SUPT3H: variants seen among roughly 807,000 people sequenced by gnomAD.
The protein encoded by SUPT3H is SPT3 homolog, SAGA and STAGA complex component.
A neutral mutation model predicts 44.3 loss-of-function variants in SUPT3H; 44 were observed. The observed-to-expected ratio is 0.99, with a 90% confidence interval of 0.78 to 1.28. The LOEUF (loss-of-function observed/expected upper bound fraction) is 1.28, where lower values mean the gene tolerates loss of function less well. Among genes scored for constraint, SUPT3H ranks in the 50% most tolerant of loss-of-function variants. SUPT3H has a pLI of 0.00. For missense variants in SUPT3H, 380 were observed against 387.1 expected, an observed-to-expected ratio of 0.98 and a Z score of 0.15; for synonymous variants, 124 against 125.6, an observed-to-expected ratio of 0.99 and a Z score of 0.09.
intron 2 of SUPT3H, among the ~76,000 whole-genome samples, chr6:45,177,877 T>A (rs976875388): frequency 3.3e-5 from 5 of 151,764 alleles, no homozygotes; most frequent in African/African-American, 1.2e-4. Flanking sequence ...GCTGAGAGAT[T>A]TTGTCACCAC....
chr6:44,852,083 T>C (rs1431395592), intron 10 of SUPT3H, among the ~76,000 whole-genome samples: 1 of 152,154 alleles, frequency 6.6e-6, no homozygotes, highest in Middle Eastern at 3.2e-3. Flanking sequence ...ATATCTTCTA[T>C]TTTCCAGCCT....
At position 45,279,209 on chromosome 6, in the gene SUPT3H, C is replaced by T. The variant is rs546952750; in HGVS notation, c.101+85992G>A. Among the ~76,000 whole-genome samples the T allele has an allele frequency of 3.3e-5, 5 of 152,228 alleles. No homozygotes were observed. The South Asian group carries it at 8.3e-4, about 25-fold the overall frequency. ...TGGGATTAATGAAACCAAATTATGA[C>T]ATCTGCAAAATAAAATACCATGTGA... On this transcript the variant is annotated intron_variant, in intron 2 of 10. Coordinates refer to ENST00000371459, the MANE Select transcript of SUPT3H (RefSeq NM_003599.4).
chr6:45,051,932 T>C (rs1790361969), intron 3 of SUPT3H, among the ~76,000 whole-genome samples: 2 of 151,990 alleles, frequency 1.3e-5, no homozygotes, highest in Non-Finnish European at 2.9e-5. Flanking sequence ...CTGAAATAAA[T>C]TGGAGGACAG....
At chr6:44,961,121 T>C (rs1364843551) in intron 7 of SUPT3H, among the ~76,000 whole-genome samples, 1 of 152,118 alleles carries the variant, frequency 6.6e-6, no homozygotes. Context: ...TGTAAGGATG[T>C]TTTGCTACAC....
rs548078479 is a variant in SUPT3H at position 45,062,764 on chromosome 6, G to A, written c.187-42132C>T. 3.3e-3 allele frequency among the ~76,000 whole-genome samples: 505 copies of A among 152,204 alleles called. 1 individual carries two copies. Among genetic ancestry groups the A allele is most frequent in the African/African-American group, 0.012 (494 of 41,498 alleles). Reference sequence around the variant, plus strand: ...TGCGCTTTTCACACCGGCTTAAAAAGCGGCGAACCATGAGATTATATCTCA... The same window carrying A: ...TGCGCTTTTCACACCGGCTTAAAAAACGGCGAACCATGAGATTATATCTCA... On this transcript the variant is annotated intron_variant, in intron 3 of 10. Coordinates refer to ENST00000371459, the MANE Select transcript of SUPT3H (RefSeq NM_003599.4).
intron 10 of SUPT3H, among the ~76,000 whole-genome samples, chr6:44,897,578 C>T (rs1284431774): frequency 6.6e-6 from 1 of 152,256 alleles, no homozygotes; most frequent in African/African-American, 2.4e-5. Flanking sequence ...TCATTTCAAG[C>T]AAAATCATAA....
chr6:45,033,461 C>T (rs962729270), intron 3 of SUPT3H, among the ~76,000 whole-genome samples: 15 of 152,104 alleles, frequency 9.9e-5, no homozygotes, highest in Non-Finnish European at 2.1e-4. Context: ...AGCAAGTACA[C>T]AAACAACAAA....
At chr6:45,164,957 A>T (rs1562587446) in intron 2 of SUPT3H, among the ~76,000 whole-genome samples, 1 of 152,126 alleles carries the variant, frequency 6.6e-6, no homozygotes, top group Non-Finnish European at 1.5e-5. Flanking sequence ...CAAAGATACA[A>T]GGCAAAGTTT....
intron 2 of SUPT3H, among the ~76,000 whole-genome samples, chr6:45,331,404 T>C (rs531554935): frequency 1.3e-5 from 2 of 151,968 alleles, no homozygotes; most frequent in South Asian, 2.1e-4. Flanking sequence ...ACAGCAATTG[T>C]GGTCCATATC....
chr6:45,260,472 G>A (rs974963942), intron 2 of SUPT3H, among the ~76,000 whole-genome samples: 1 of 151,916 alleles, frequency 6.6e-6, no homozygotes, highest in Non-Finnish European at 1.5e-5. Context: ...CTAAAATTCA[G>A]GCTAAATAAC....
chr6:44,818,461 T>A (rs988203365), intron 11 of SUPT3H, among the ~76,000 whole-genome samples: 1 of 152,092 alleles, frequency 6.6e-6, no homozygotes, highest in African/African-American at 2.4e-5. Context: ...AGAATAAAAA[T>A]TGATAACTTT....
At position 45,214,366 on chromosome 6, in the gene SUPT3H, G is replaced by A. The variant is rs766521362; in HGVS notation, c.102-108360C>T. ...AAAACTAATGATAGTAAAAGCTGGG[G>A]CAAGAAAATCAGGATTACTTGGAGA... On this transcript the variant is annotated intron_variant, in intron 2 of 10. Transcript: ENST00000371459. Among the ~76,000 whole-genome samples, 11 of 151,838 alleles carry A rather than the reference G, an allele frequency of 7.2e-5. No homozygotes were observed. The South Asian group carries it at 1.0e-3, about 14-fold the overall frequency.
At chr6:45,299,670 T>C (rs905159927) in intron 2 of SUPT3H, among the ~76,000 whole-genome samples, 3 of 151,570 alleles carry the variant, frequency 2.0e-5, no homozygotes, top group East Asian at 1.9e-4. Context: ...TCCCAACACT[T>C]TGGGGAGGCT....
chr6:45,218,119 T>C (rs911408103), intron 2 of SUPT3H, among the ~76,000 whole-genome samples: 1 of 151,958 alleles, frequency 6.6e-6, no homozygotes, highest in African/African-American at 2.4e-5. Flanking sequence ...GCAGAGTACA[T>C]AAAAACACGT....
In SUPT3H at chr6:45,003,684, T is replaced by C. The variant is rs764509975; in HGVS notation, c.473A>G (p.Glu158Gly). Residue 158 changes from glutamate (E) to glycine (G), a missense_variant, in exon 6 of 11, where the codon GAA becomes GGA. Glu to Gly is a moderately conservative substitution (Grantham distance 98, BLOSUM62 -2). Transcript: ENST00000371459. ...GELLAMFEDD[E>G]IDEVKQERME... is the part of the protein sequence containing the mutation. ...TCTTTCTTGTTTAACTTCATCAATT[T>C]CGTCATCTTCAAACATTGCTAAAAG... 1 of 1,613,720 alleles carries C rather than the reference T, an allele frequency of 6.2e-7. No individual in the cohort carries two copies. Among genetic ancestry groups the C allele is most frequent in the Non-Finnish European group, 8.5e-7 (1 of 1,179,792 alleles).
rs555537947 is a variant in SUPT3H at position 45,319,146 on chromosome 6, T to C, written c.101+46055A>G. On this transcript the variant is annotated intron_variant, in intron 2 of 10. Coordinates refer to ENST00000371459, the MANE Select transcript of SUPT3H (RefSeq NM_003599.4). The stretch of plus-strand genomic sequence containing the variant: ...AAGATGCTTTTTGGGTTTGTATATG[T>C]GTGTGTTTCTCTCTCAGACGAGCTA... Among the ~76,000 whole-genome samples, 15 of 152,280 alleles carry C rather than the reference T, an allele frequency of 9.9e-5. No homozygotes were observed. The East Asian group carries it at 2.9e-3, about 29-fold the overall frequency.
chr6:45,091,789 G>A (rs1029468271), intron 3 of SUPT3H, among the ~76,000 whole-genome samples: 3 of 151,910 alleles, frequency 2.0e-5, no homozygotes, highest in African/African-American at 7.3e-5. Flanking sequence ...TTTATATACA[G>A]TTTTGGGGAG....
intron 2 of SUPT3H, among the ~76,000 whole-genome samples, chr6:45,130,402 C>T (rs573775075): frequency 1.4e-4 from 21 of 152,214 alleles, no homozygotes; most frequent in Middle Eastern, 3.4e-3. Flanking sequence ...GAATATACCA[C>T]ATTTTACTTA....
chr6:45,274,086 T>C (rs1417561108), intron 2 of SUPT3H, among the ~76,000 whole-genome samples: 1 of 152,228 alleles, frequency 6.6e-6, no homozygotes. Flanking sequence ...ATTTGGCCAT[T>C]TGTAAATCTT....
Sources: gnomAD v4.1 joint callset for allele counts (sites outside exome capture counted in the v4.1 genomes callset) on GRCh38, gnomAD v4.1.1 for gene constraint, MANE v1.5 for transcripts, NCBI Gene and HGNC (gene_info 2026-07-23, HGNC 2026-07-21) for gene names.